The following AKT3 variants were observed in gnomAD, a reference collection of about 807,000 sequenced individuals.
The protein encoded by AKT3 is AKT serine/threonine kinase 3.
In AKT3, 15 loss-of-function variants were observed where a neutral mutation model predicts 65.3. That is an observed-to-expected ratio of 0.23 (90% CI 0.15 to 0.35). The LOEUF is 0.35. Among genes scored for constraint, AKT3 ranks in the 10% least tolerant of loss-of-function variants. AKT3 has a pLI of 1.00. For synonymous variants in AKT3, 206 were observed against 183.8 expected (o/e 1.12, Z -0.98); for missense variants, 243 against 576.5 (o/e 0.42, Z 5.92).
chr1:243,533,938 C>G (rs1671728754), intron 12 of AKT3, among the ~76,000 whole-genome samples: 1 of 151,988 alleles, frequency 6.6e-6, no homozygotes, highest in Non-Finnish European at 1.5e-5. Flanking sequence ...TGCAGTGAGC[C>G]CAGATTGTGC....
chr1:243,766,667 G>A (rs1323844145), intron 2 of AKT3, among the ~76,000 whole-genome samples: 2 of 152,140 alleles, frequency 1.3e-5, no homozygotes, highest in Non-Finnish European at 2.9e-5. Context: ...CTTGATTGTG[G>A]AGAACACATA....
intron 8 of AKT3, among the ~76,000 whole-genome samples, chr1:243,597,487 T>C (rs1171472206): frequency 6.6e-6 from 1 of 151,922 alleles, no homozygotes; most frequent in Admixed American, 6.6e-5. Flanking sequence ...TTCCCCAGAA[T>C]ACTATGCATT....
intron 4 of AKT3, among the ~76,000 whole-genome samples, chr1:243,661,577 C>T (rs1168316154): frequency 7.3e-5 from 11 of 151,046 alleles, no homozygotes; most frequent in South Asian, 2.1e-4. Flanking sequence ...AAGACTTAAA[C>T]GTTAGACCTA....
intron 8 of AKT3, among the ~76,000 whole-genome samples, chr1:243,589,007 C>G (rs1244854035): frequency 6.6e-6 from 1 of 151,648 alleles, no homozygotes; most frequent in Non-Finnish European, 1.5e-5. Context: ...GGTCAATATC[C>G]CAAATATATA....
chr1:243,734,805 T>A (rs1389940205), intron 2 of AKT3, among the ~76,000 whole-genome samples: 1 of 152,252 alleles, frequency 6.6e-6, no homozygotes, highest in Admixed American at 6.5e-5. Context: ...TTTTGACTCT[T>A]GCAGTAACAC....
chr1:243,809,469 A>G (rs1019527679), intron 2 of AKT3, among the ~76,000 whole-genome samples: 11 of 152,246 alleles, frequency 7.2e-5, no homozygotes, highest in African/African-American at 2.7e-4. Flanking sequence ...GATCAATTCA[A>G]CAAGAAGAGC....
At chr1:243,746,054 C>G (rs1211118201) in intron 2 of AKT3, among the ~76,000 whole-genome samples, 1 of 152,096 alleles carries the variant, frequency 6.6e-6, no homozygotes, top group African/African-American at 2.4e-5. Flanking sequence ...AAACAAATTC[C>G]CTATGTGGAA....
At chr1:243,758,256 G>GA (rs1249236664) in intron 2 of AKT3, among the ~76,000 whole-genome samples, 1 of 152,120 alleles carries the variant, frequency 6.6e-6, no homozygotes, top group East Asian at 1.9e-4. Context: ...AATGCTAGGA[G>GA]AAAAATATAG....
intron 2 of AKT3, chr1:243,735,603 A>AT (rs1687797840): frequency 6.6e-6 from 1 of 152,214 alleles, no homozygotes; most frequent in Admixed American, 6.5e-5. Flanking sequence ...CTACTGTAAC[A>AT]TACCTAGCAA....
intron 2 of AKT3, among the ~76,000 whole-genome samples, chr1:243,827,221 A>G (rs1240344553): frequency 6.6e-6 from 1 of 152,182 alleles, no homozygotes; most frequent in Non-Finnish European, 1.5e-5. Context: ...AGTACATAAA[A>G]GCATGTAAGA....
intron 2 of AKT3, among the ~76,000 whole-genome samples, chr1:243,753,896 T>A (rs775356420): frequency 2.5e-4 from 38 of 152,312 alleles, no homozygotes; most frequent in South Asian, 6.2e-4. Flanking sequence ...GATGGAGAAG[T>A]AACAATGAAC....
At chr1:243,542,493 C>CG (rs1445152107) in intron 12 of AKT3, among the ~76,000 whole-genome samples, 6 of 151,884 alleles carry the variant, frequency 4.0e-5, no homozygotes, top group African/African-American at 1.5e-4. Flanking sequence ...CATCACCTCT[C>CG]GATGTGCAGC....
intron 6 of AKT3, among the ~76,000 whole-genome samples, chr1:243,627,406 A>G (rs1679258498): frequency 6.6e-6 from 1 of 152,194 alleles, no homozygotes; most frequent in Non-Finnish European, 1.5e-5. Flanking sequence ...TCTCAGGAAA[A>G]AAACAACTGC....
chr1:243,561,836 T>C (rs1673806070), intron 10 of AKT3, among the ~76,000 whole-genome samples: 1 of 152,140 alleles, frequency 6.6e-6, no homozygotes, highest in Non-Finnish European at 1.5e-5. Flanking sequence ...CTGTGAAAGA[T>C]GTTATTTTTC....
At chr1:243,850,561 T>G, upstream of AKT3, among the ~76,000 whole-genome samples, 1 of 145,052 alleles carries the variant, frequency 6.9e-6, no homozygotes, top group South Asian at 2.4e-4. Flanking sequence ...CGCCCCCTCC[T>G]TCCTCCCGCT....
chr1:243,504,123 G>A lies in AKT3; in HGVS notation c.*1126C>T, dbSNP rs982118932. On this transcript the variant is annotated 3_prime_UTR_variant, in exon 14 of 14. Transcript: ENST00000673466. ...GAAAAAGTGCATGATTCTCATCAGC[G>A]TGTACAATCCTTGCACATGGGTCAA... is the stretch of plus-strand genomic sequence containing the variant. 33 of 220,542 alleles carry A rather than the reference G, an allele frequency of 1.5e-4. No individual in the cohort carries two copies. Among genetic ancestry groups the A allele is most frequent in the East Asian group, 1.3e-3 (19 of 14,920 alleles). 13.7% of individuals were successfully genotyped at this position (220,542 alleles called of 1,614,324 possible). A position where few individuals can be genotyped will look rare whatever the true frequency, so the allele number is the denominator to read the frequency against.
chr1:243,779,835 T>C (rs539430570), intron 2 of AKT3, among the ~76,000 whole-genome samples: 8 of 152,198 alleles, frequency 5.3e-5, no homozygotes, highest in Admixed American at 2.6e-4. Context: ...GATGGAGACA[T>C]GTCAAAAGAA....
chr1:243,679,285 T>C (rs1433081208), intron 3 of AKT3, among the ~76,000 whole-genome samples: 1 of 152,158 alleles, frequency 6.6e-6, no homozygotes, highest in African/African-American at 2.4e-5. Context: ...GATGTTTGAC[T>C]ACACAAGGGT....
At chr1:243,683,759 T>A (rs536058730) in intron 3 of AKT3, among the ~76,000 whole-genome samples, 3 of 152,158 alleles carry the variant, frequency 2.0e-5, no homozygotes, top group Non-Finnish European at 4.4e-5. Flanking sequence ...GTATAAACTA[T>A]TGAAGCTGAT....
Sources: gnomAD v4.1 joint callset for allele counts (sites outside exome capture counted in the v4.1 genomes callset) on GRCh38, gnomAD v4.1.1 for gene constraint, MANE v1.5 for transcripts, NCBI Gene and HGNC (gene_info 2026-07-23, HGNC 2026-07-21) for gene names.